Variants in PIP5K1B observed in about 807,000 individuals in gnomAD.
PIP5K1B encodes phosphatidylinositol 4-phosphate 5-kinase type-1 beta.
A neutral mutation model predicts 67.0 loss-of-function variants in PIP5K1B; 42 were observed. That is an observed-to-expected ratio of 0.63 (90% CI 0.49 to 0.81). PIP5K1B has a LOEUF of 0.81. PIP5K1B is among the 30% of genes least tolerant of loss of function. The pLI is 0.00. For missense variants in PIP5K1B, 459 were observed against 646.3 expected (o/e 0.71, Z 3.14); for synonymous variants, 214 against 231.4 (o/e 0.92, Z 0.68).
intron 1 of PIP5K1B, among the ~76,000 whole-genome samples, chr9:68,729,977 G>A (rs1196535334): frequency 6.6e-6 from 1 of 151,908 alleles, no homozygotes; most frequent in Non-Finnish European, 1.5e-5. Flanking sequence ...AGTCATGAAA[G>A]GCTAAAAATG....
intron 2 of PIP5K1B, among the ~76,000 whole-genome samples, chr9:68,766,196 A>G (rs1162994529): frequency 6.6e-6 from 1 of 152,176 alleles, no homozygotes; most frequent in Non-Finnish European, 1.5e-5. Flanking sequence ...GATATCTATA[A>G]CAAAATGTTA....
intron 1 of PIP5K1B, among the ~76,000 whole-genome samples, chr9:68,723,177 TGTGA>T (rs1373426867): frequency 1.6e-3 from 219 of 139,872 alleles, no homozygotes; most frequent in African/African-American, 5.7e-3. Flanking sequence ...TGTGTGTGTG[TGTGA>T]GAGAGAGAGA....
intron 11 of PIP5K1B, 136 bp from the exon 12 acceptor site, chr9:68,923,166 C>T (rs1291962587): frequency 6.0e-6 from 4 of 668,796 alleles, no homozygotes; most frequent in African/African-American, 3.7e-5. Context: ...GGCTACAGGA[C>T]ATTCCTGTTT....
intron 2 of PIP5K1B, among the ~76,000 whole-genome samples, chr9:68,814,592 G>A (rs750726595): frequency 1.7e-4 from 26 of 152,120 alleles, no homozygotes; most frequent in Non-Finnish European, 3.5e-4. Context: ...GAGGCAGGTG[G>A]ATCACTTGAG....
intron 2 of PIP5K1B, among the ~76,000 whole-genome samples, chr9:68,807,701 G>A (rs1383571814): frequency 6.6e-6 from 1 of 152,072 alleles, no homozygotes; most frequent in East Asian, 1.9e-4. Context: ...ATCAAAACTG[G>A]TTTTATTTGC....
chr9:68,729,724 A>G (rs982127109), intron 1 of PIP5K1B, among the ~76,000 whole-genome samples: 2 of 152,172 alleles, frequency 1.3e-5, no homozygotes, highest in South Asian at 4.1e-4. Context: ...AAGCAATACA[A>G]TCTGAAGTAA....
intron 5 of PIP5K1B, among the ~76,000 whole-genome samples, chr9:68,870,592 C>T (rs1034207900): frequency 6.6e-5 from 10 of 152,132 alleles, no homozygotes; most frequent in African/African-American, 1.4e-4. Context: ...ACCTTAAGGC[C>T]GCTTTTACAG....
intron 3 of PIP5K1B, among the ~76,000 whole-genome samples, chr9:68,820,962 T>C (rs1833702854): frequency 6.6e-6 from 1 of 152,210 alleles, no homozygotes; most frequent in South Asian, 2.1e-4. Flanking sequence ...CTTCTCTATA[T>C]CATAATTATG....
intron 2 of PIP5K1B, among the ~76,000 whole-genome samples, chr9:68,764,608 A>C (rs1830343289): frequency 6.6e-6 from 1 of 152,112 alleles, no homozygotes; most frequent in Admixed American, 6.6e-5. Flanking sequence ...CTGGATTTTC[A>C]TACTACTGTT....
intron 1 of PIP5K1B, among the ~76,000 whole-genome samples, chr9:68,721,748 A>G (rs1402486785): frequency 3.3e-5 from 5 of 152,142 alleles, no homozygotes; most frequent in Admixed American, 1.3e-4. Context: ...TAAGTGTGGA[A>G]GAGGCCATGA....
intron 2 of PIP5K1B, among the ~76,000 whole-genome samples, chr9:68,799,614 C>T (rs779088489): frequency 5.9e-5 from 9 of 152,088 alleles, no homozygotes; most frequent in African/African-American, 9.7e-5. Context: ...TGATCTTCAA[C>T]GGGAGTGCTA....
chr9:68,859,027 G>A (rs903716910), intron 4 of PIP5K1B, among the ~76,000 whole-genome samples: 13 of 152,148 alleles, frequency 8.5e-5, no homozygotes, highest in South Asian at 2.1e-4. Context: ...AGAAAACTCC[G>A]GTAAGTAAAG....
chr9:68,809,840 A>G (rs547203806), intron 2 of PIP5K1B, among the ~76,000 whole-genome samples: 24 of 152,218 alleles, frequency 1.6e-4, no homozygotes, highest in Non-Finnish European at 2.6e-4. Context: ...AGTAAAGGAC[A>G]TGCCACATTG....
intron 6 of PIP5K1B, 147 bp from the exon 7 acceptor site, chr9:68,888,834 T>C: frequency 1.9e-6 from 1 of 529,096 alleles, no homozygotes; most frequent in Non-Finnish European, 3.4e-6. Flanking sequence ...AAAAGAGCCT[T>C]CTCGGTATAC....
rs1304783315 is a variant in PIP5K1B at position 68,929,686 on chromosome 9, T to TTTTTA, written c.1202-5203_1202-5202insTTTAT. On this transcript the variant is annotated intron_variant, in intron 12 of 15. Coordinates refer to ENST00000265382, the MANE Select transcript of PIP5K1B (RefSeq NM_003558.4). ...TGTTTTTGTTTTTGTTTTTGTTTTTTTGAGATGGAGTCTCACTCTGTTGCC... is the reference window on the plus strand; with the variant it reads ...TGTTTTTGTTTTTGTTTTTGTTTTTTTTTTATGAGATGGAGTCTCACTCTGTTGCC... Among the ~76,000 whole-genome samples the TTTTTA allele has an allele frequency of 4.0e-3, 613 of 152,328 alleles. 1 individual carries two copies. Among genetic ancestry groups the TTTTTA allele is most frequent in the Non-Finnish European group, 6.5e-3 (444 of 68,022 alleles).
intron 14 of PIP5K1B, among the ~76,000 whole-genome samples, chr9:68,979,419 A>T (rs1232362842): frequency 3.9e-5 from 6 of 152,214 alleles, no homozygotes; most frequent in Non-Finnish European, 8.8e-5. Context: ...GTGTGTGTAC[A>T]TGTTGGGGTA....
chr9:68,903,950 C>T, intron 8 of PIP5K1B, among the ~76,000 whole-genome samples: 1 of 152,226 alleles, frequency 6.6e-6, no homozygotes, highest in East Asian at 1.9e-4. Context: ...CCAAGGCTTA[C>T]TTTATCTGTG....
At chr9:68,796,060 G>A (rs1832274703) in intron 2 of PIP5K1B, among the ~76,000 whole-genome samples, 1 of 152,140 alleles carries the variant, frequency 6.6e-6, no homozygotes, top group South Asian at 2.1e-4. Flanking sequence ...AGATGCCATT[G>A]TTTGCACTTC....
intron 2 of PIP5K1B, among the ~76,000 whole-genome samples, chr9:68,811,653 C>A (rs991560631): frequency 2.6e-5 from 4 of 152,190 alleles, no homozygotes; most frequent in African/African-American, 4.8e-5. Context: ...GTGCCTGCAG[C>A]CCTAAAAGCA....
Sources: allele counts gnomAD v4.1 joint callset (sites outside exome capture counted in the v4.1 genomes callset), GRCh38; gene constraint gnomAD v4.1.1; transcripts MANE v1.5; gene names NCBI Gene and HGNC (gene_info 2026-07-23, HGNC 2026-07-21).